The following GFM2 variants were observed in gnomAD, a reference collection of about 807,000 sequenced individuals.
GFM2 encodes the protein ribosome-releasing factor 2, mitochondrial.
GFM2 carries 72 observed loss-of-function variants against 95.4 expected under a neutral mutation model. The ratio of observed to expected loss-of-function variants is 0.76; its 90% CI spans 0.62 to 0.92. GFM2 has a LOEUF of 0.92. Ranked by LOEUF, GFM2 falls within the 40% of genes least tolerant of loss-of-function variation. The probability of loss-of-function intolerance (pLI) is 0.00; values close to 1 mark genes in which losing one functional copy is unlikely to be tolerated. For missense variants in GFM2, 825 were observed against 924.1 expected (o/e 0.89, Z 1.39); for synonymous variants, 276 against 317.5 (o/e 0.87, Z 1.39).
At chr5:74,724,231 T>C (rs1750046479) in intron 19 of GFM2, among the ~76,000 whole-genome samples, 1 of 152,224 alleles carries the variant, frequency 6.6e-6, no homozygotes, top group Non-Finnish European at 1.5e-5. Context: ...ATATTACATT[T>C]TGAAGGACAG....
Position 74,731,912 on chromosome 5 carries a change from CT to C in GFM2, c.1587+1109del, listed in dbSNP as rs754165810. On this transcript the variant is annotated intron_variant, in intron 16 of 20. Coordinates refer to ENST00000296805, the MANE Select transcript of GFM2 (RefSeq NM_032380.5). ...ACTTGGTAGATTTGTGTATTATTTGCTTTTTTTTTTTTTAAACGTAGTGCCA... is the reference window on the plus strand; with the variant it reads ...ACTTGGTAGATTTGTGTATTATTTGCTTTTTTTTTTTTAAACGTAGTGCCA... Among the ~76,000 whole-genome samples the C allele has an allele frequency of 8.3e-3, 1,092 of 132,316 alleles. 1 individual carries two copies. The highest frequency in any genetic ancestry group is 0.027 in the Middle Eastern group (7 of 264). 86.8% of individuals were successfully genotyped at this position (132,316 alleles called of 152,430 possible).
intron 2 of GFM2, among the ~76,000 whole-genome samples, chr5:74,763,407 C>G (rs531302952): frequency 6.6e-6 from 1 of 152,204 alleles, no homozygotes; most frequent in East Asian, 1.9e-4. Context: ...GATATAAAAC[C>G]CTACCCCTCC....
At chr5:74,744,393 G>GAA (rs74544717) in intron 10 of GFM2, among the ~76,000 whole-genome samples, 3 of 148,084 alleles carry the variant, frequency 2.0e-5, no homozygotes, top group Admixed American at 1.3e-4. Flanking sequence ...AAAGATAAGT[G>GAA]AAAAAAAAAT....
chr5:74,751,247 G>A (rs1243695563), intron 6 of GFM2, 121 bp downstream of exon 6: 2 of 889,070 alleles, frequency 2.2e-6, no homozygotes, highest in Non-Finnish European at 3.5e-6. Flanking sequence ...AAAAATGGTT[G>A]AGATGGTAAA....
At chr5:74,755,785 A>T (rs1743949116) in intron 5 of GFM2, among the ~76,000 whole-genome samples, 1 of 152,230 alleles carries the variant, frequency 6.6e-6, no homozygotes, top group Non-Finnish European at 1.5e-5. Flanking sequence ...ATTCCATCAG[A>T]CATTCAAAGA....
Position 74,750,651 on chromosome 5 carries a change from GGTAAA to G in GFM2, c.442_446del (p.Phe148LeufsTer4). The G allele has an allele frequency of 6.2e-7, 1 of 1,612,776 alleles. No individual in the cohort carries two copies. The highest frequency in any genetic ancestry group is 1.1e-5 in the South Asian group (1 of 90,980). ...CTCTTAGGCACCGCTCAACCTCCAA[GGTAAA>G]GTCCACATGACCTAAGAAAAAGATA... On this transcript the variant is annotated frameshift_variant, in exon 7 of 21. Transcript: ENST00000296805. LOFTEE classifies it high-confidence loss of function.
intron 17 of GFM2, 92 bp from the exon 18 acceptor site, chr5:74,726,218 G>A (rs763287631): frequency 1.6e-4 from 132 of 808,434 alleles, no homozygotes; most frequent in Non-Finnish European, 2.5e-4. Context: ...ACAAGCTCAG[G>A]GTCTCATACA....
chr5:74,741,077 T>C (rs1314394369), intron 11 of GFM2, among the ~76,000 whole-genome samples: 2 of 152,196 alleles, frequency 1.3e-5, no homozygotes, highest in Non-Finnish European at 2.9e-5. Context: ...TGGCTTACTG[T>C]ATGTCAAAAG....
Position 74,741,613 on chromosome 5 carries a change from T to C in GFM2, c.850-4A>G. On this transcript the variant is annotated splice_region_variant and splice_polypyrimidine_tract_variant and intron_variant, in intron 10 of 20. Transcript: ENST00000296805. ...ATTCATCATCCAAATCTGCAACCTA[T>C]AAAGAAAGGTTTTAGAGTTCTATAA... The C allele has an allele frequency of 6.5e-7, 1 of 1,532,318 alleles. No individual in the cohort carries two copies. Among genetic ancestry groups the C allele is most frequent in the Non-Finnish European group, 9.0e-7 (1 of 1,113,604 alleles). 94.9% of individuals were successfully genotyped at this position (1,532,318 alleles called of 1,614,324 possible).
At chr5:74,754,908 G>GA (rs1181431004) in intron 5 of GFM2, among the ~76,000 whole-genome samples, 1 of 152,028 alleles carries the variant, frequency 6.6e-6, no homozygotes, top group African/African-American at 2.4e-5. Flanking sequence ...CTGAGGTCAG[G>GA]AGTTCAAGAC....
chr5:74,765,424 A>T (rs1285076841), intron 1 of GFM2, among the ~76,000 whole-genome samples: 1 of 152,188 alleles, frequency 6.6e-6, no homozygotes, highest in Non-Finnish European at 1.5e-5. Context: ...TCCCATGATG[A>T]TAGGGTGCTG....
At chr5:74,728,287 G>A (rs559716913) in intron 17 of GFM2, among the ~76,000 whole-genome samples, 34 of 151,698 alleles carry the variant, frequency 2.2e-4, no homozygotes, top group Non-Finnish European at 1.0e-4. Context: ...CAATTAACAC[G>A]TTACATGTAT....
intron 15 of GFM2, chr5:74,736,310 G>A (rs1742831011): frequency 1.1e-6 from 1 of 932,652 alleles, no homozygotes; most frequent in South Asian, 5.0e-5. Context: ...GTAATGAGAA[G>A]CCACTGAAAA....
At chr5:74,760,514 A>G (rs1744223839) in intron 3 of GFM2, among the ~76,000 whole-genome samples, 2 of 152,214 alleles carry the variant, frequency 1.3e-5, no homozygotes, top group African/African-American at 4.8e-5. Context: ...TAGCCAAACT[A>G]CTTATAACAA....
At chr5:74,745,635 G>A in intron 10 of GFM2, 43 bp downstream of exon 10, 1 of 1,482,088 alleles carries the variant, frequency 6.7e-7, no homozygotes, top group Non-Finnish European at 9.3e-7. Flanking sequence ...TAAGATAAGT[G>A]GTGCACACAT....
rs757398482 is a variant in GFM2 at position 74,759,407 on chromosome 5, G to T, written c.168C>A (p.Ile56=). The T allele has an allele frequency of 1.3e-5, 20 of 1,527,032 alleles. No homozygotes were observed. The South Asian group carries it at 2.3e-4, about 17-fold the overall frequency. 94.6% of individuals were successfully genotyped at this position (1,527,032 alleles called of 1,614,324 possible). ...GATTGATGATGGAATGAAGGGATTT[G>T]ATATCATTTCCTATTAAGCCTAATG... is the stretch of plus-strand genomic sequence containing the variant. The part of the protein sequence containing the change: ...SSLPGLIGND[I]KSLHSIINPP... The change falls in exon 4 of 21, where the codon ATC becomes ATA. Residue 56 remains isoleucine (I), a synonymous_variant. Coordinates refer to ENST00000296805, the MANE Select transcript of GFM2 (RefSeq NM_032380.5).
chr5:74,752,985 A>G (rs1295836826), intron 5 of GFM2, among the ~76,000 whole-genome samples: 1 of 152,210 alleles, frequency 6.6e-6, no homozygotes, highest in Non-Finnish European at 1.5e-5. Flanking sequence ...TTCTGGTAAC[A>G]TAACAAAACA....
At chr5:74,758,629 T>G (rs147636454) in intron 5 of GFM2, among the ~76,000 whole-genome samples, 173 of 152,308 alleles carry the variant, frequency 1.1e-3, no homozygotes, top group African/African-American at 4.1e-3. Flanking sequence ...AGTAGACGAG[T>G]GTCCAGTGGG....
chr5:74,748,737 C>T (rs1016857786), intron 7 of GFM2, among the ~76,000 whole-genome samples: 1 of 151,336 alleles, frequency 6.6e-6, no homozygotes, highest in Non-Finnish European at 1.5e-5. Flanking sequence ...TGGTGGTGCA[C>T]GCCTGTAGTC....
Sources: allele counts gnomAD v4.1 joint callset (sites outside exome capture counted in the v4.1 genomes callset), GRCh38; gene constraint gnomAD v4.1.1; transcripts MANE v1.5; gene names NCBI Gene and HGNC (gene_info 2026-07-23, HGNC 2026-07-21).